TTC6: variants seen among roughly 807,000 people sequenced by gnomAD.
TTC6 encodes tetratricopeptide repeat protein 6.
A neutral mutation model predicts 210.4 loss-of-function variants in TTC6; 172 were observed. The ratio of observed to expected loss-of-function variants is 0.82; its 90% CI spans 0.72 to 0.93. The LOEUF is 0.93. TTC6 is among the 40% of genes least tolerant of loss of function. TTC6 has a pLI of 0.00. For missense variants in TTC6, 2,414 were observed against 2,318.1 expected, an observed-to-expected ratio of 1.04 and a Z score of -0.85; for synonymous variants, 804 against 819.6, an observed-to-expected ratio of 0.98 and a Z score of 0.32.
intron 5 of TTC6, among the ~76,000 whole-genome samples, chr14:37,702,169 G>C (rs2095826709): frequency 1.3e-5 from 2 of 152,124 alleles, no homozygotes. Flanking sequence ...TCAACTGTAA[G>C]GGAGAAGTTG....
At chr14:37,811,862 A>T (rs1349702846) in intron 24 of TTC6, among the ~76,000 whole-genome samples, 1 of 152,200 alleles carries the variant, frequency 6.6e-6, no homozygotes, top group Non-Finnish European at 1.5e-5. Flanking sequence ...TGCTATGTGC[A>T]GGCTTGATTC....
At chr14:37,625,919 G>C (rs1324066898) in intron 1 of TTC6, among the ~76,000 whole-genome samples, 1 of 152,146 alleles carries the variant, frequency 6.6e-6, no homozygotes, top group Admixed American at 6.5e-5. Flanking sequence ...ATCTAAACCA[G>C]GATTTCTCAA....
chr14:37,670,200 A>G (rs2095755584), intron 1 of TTC6, among the ~76,000 whole-genome samples: 1 of 152,196 alleles, frequency 6.6e-6, no homozygotes, highest in African/African-American at 2.4e-5. Context: ...ACAAAGAACT[A>G]TGTTCTTGTT....
intron 3 of TTC6, among the ~76,000 whole-genome samples, chr14:37,694,771 G>A (rs1372278096): frequency 2.6e-5 from 4 of 152,144 alleles, no homozygotes; most frequent in African/African-American, 4.8e-5. Flanking sequence ...GCTGGGCACA[G>A]TGGTTCATTC....
intron 20 of TTC6, among the ~76,000 whole-genome samples, chr14:37,798,888 T>C (rs895562702): frequency 6.6e-6 from 1 of 152,200 alleles, no homozygotes; most frequent in African/African-American, 2.4e-5. Context: ...AAGTAATCTA[T>C]GACATTATTT....
At chr14:37,796,670 T>A in intron 19 of TTC6, 117 bp from the exon 22 acceptor site, 3 of 931,344 alleles carry the variant, frequency 3.2e-6, no homozygotes, top group Non-Finnish European at 4.6e-6. Context: ...TTTTATAATT[T>A]ATTGATTTGT....
intron 1 of TTC6, among the ~76,000 whole-genome samples, chr14:37,656,538 T>C (rs145152253): frequency 3.5e-5 from 5 of 141,734 alleles, no homozygotes; most frequent in African/African-American, 1.0e-4. Context: ...TGTGTGTGTG[T>C]GTGCGTGTGT....
Position 37,781,587 on chromosome 14 carries a change from T to A in TTC6, c.3267-5881T>A, listed in dbSNP as rs533270530. 5.3e-5 allele frequency among the ~76,000 whole-genome samples: 8 copies of A among 152,346 alleles called. No individual in the cohort carries two copies. The South Asian group carries it at 1.7e-3, about 32-fold the overall frequency. On this transcript the variant is annotated intron_variant, in intron 14 of 30. Transcript: ENST00000553443. ...CCCATTCTGTAGGTTGCCTGTTCAC[T>A]CTGATGGTAGTTTCTTTTGCGGTGC...
At chr14:37,789,173 G>T in intron 15 of TTC6, among the ~76,000 whole-genome samples, 1 of 151,942 alleles carries the variant, frequency 6.6e-6, no homozygotes, top group Non-Finnish European at 1.5e-5. Flanking sequence ...ACATTTATTG[G>T]GCATTTTGCT....
At chr14:37,735,824 C>A in intron 7 of TTC6, 97 bp from the exon 10 acceptor site, 1 of 660,514 alleles carries the variant, frequency 1.5e-6, no homozygotes, top group South Asian at 2.6e-5. Flanking sequence ...CTCTTTGGTT[C>A]TTTTGTTAAT....
chr14:37,786,931 T>C (rs1284465117), intron 14 of TTC6, among the ~76,000 whole-genome samples: 1 of 152,208 alleles, frequency 6.6e-6, no homozygotes, highest in Non-Finnish European at 1.5e-5. Flanking sequence ...AATTTCAAAA[T>C]TGGAGTCAGA....
At chr14:37,749,384 A>G in exon 11 of TTC6, 2 of 1,449,006 alleles carry the variant, frequency 1.4e-6, no homozygotes, top group East Asian at 2.5e-5. Flanking sequence ...GCAGAGTGCC[A>G]TGAATGATCT....
intron 2 of TTC6, among the ~76,000 whole-genome samples, chr14:37,613,564 A>C (rs2139261352): frequency 6.6e-6 from 1 of 152,102 alleles, no homozygotes; most frequent in South Asian, 2.1e-4. Flanking sequence ...GATGGGTGTT[A>C]TTTCTTTCTT....
At chr14:37,803,484 A>T (rs2096111584) in intron 20 of TTC6, among the ~76,000 whole-genome samples, 1 of 152,172 alleles carries the variant, frequency 6.6e-6, no homozygotes, top group Admixed American at 6.6e-5. Context: ...GTAGTGAAAG[A>T]GAGAGAGATG....
At chr14:37,671,978 A>G (rs970905868) in intron 1 of TTC6, among the ~76,000 whole-genome samples, 1 of 152,162 alleles carries the variant, frequency 6.6e-6, no homozygotes, top group Non-Finnish European at 1.5e-5. Context: ...CCAGCCATGC[A>G]GAACTGTGTC....
intron 6 of TTC6, among the ~76,000 whole-genome samples, 157 bp from the exon 9 acceptor site, chr14:37,724,741 C>T (rs559909718): frequency 1.3e-5 from 2 of 152,126 alleles, no homozygotes; most frequent in Non-Finnish European, 2.9e-5. Flanking sequence ...TACATTTTTG[C>T]TAACCTGATG....
intron 14 of TTC6, among the ~76,000 whole-genome samples, chr14:37,784,020 T>C (rs1195088803): frequency 2.0e-5 from 3 of 152,218 alleles, no homozygotes; most frequent in African/African-American, 7.2e-5. Flanking sequence ...TTCTGTTCTT[T>C]TACATTTGCT....
At chr14:37,798,763 ATCTT>A (rs1274620546) in intron 20 of TTC6, among the ~76,000 whole-genome samples, 2 of 152,094 alleles carry the variant, frequency 1.3e-5, no homozygotes, top group East Asian at 3.9e-4. Context: ...AGATTACATA[ATCTT>A]TCTATTTCCA....
chr14:37,704,280 C>T (rs2095831181), intron 5 of TTC6, among the ~76,000 whole-genome samples: 1 of 151,974 alleles, frequency 6.6e-6, no homozygotes, highest in South Asian at 2.1e-4. Context: ...GTCTCGAACT[C>T]CTAGCCTTAA....
Sources: allele counts gnomAD v4.1 joint callset (sites outside exome capture counted in the v4.1 genomes callset), GRCh38; gene constraint gnomAD v4.1.1; transcripts MANE v1.5; gene names NCBI Gene and HGNC (gene_info 2026-07-23, HGNC 2026-07-21).